TAFA4: variants seen among roughly 807,000 people sequenced by gnomAD.
The protein encoded by TAFA4 is chemokine-like protein TAFA-4.
Under a neutral mutation model 21.1 loss-of-function variants are expected in TAFA4, and 20 were observed. The observed-to-expected ratio is 0.95, with a 90% confidence interval of 0.67 to 1.38. TAFA4 has a LOEUF of 1.38. Among genes scored for constraint, TAFA4 ranks in the 40% most tolerant of loss-of-function variants. TAFA4 has a pLI of 0.00. For missense variants in TAFA4, 211 were observed against 180.9 expected, an observed-to-expected ratio of 1.17 and a Z score of -0.95; for synonymous variants, 71 against 67.4, an observed-to-expected ratio of 1.05 and a Z score of -0.26.
At chr3:68,908,896 T>C (rs564820814) in intron 1 of TAFA4, among the ~76,000 whole-genome samples, 36 of 152,206 alleles carry the variant, frequency 2.4e-4, no homozygotes, top group Non-Finnish European at 4.3e-4. Context: ...TCAGCATCCA[T>C]GGCCCAGATG....
At chr3:68,815,852 A>G (rs1703962431) in intron 3 of TAFA4, among the ~76,000 whole-genome samples, 1 of 152,238 alleles carries the variant, frequency 6.6e-6, no homozygotes, top group South Asian at 2.1e-4. Flanking sequence ...GCTGCTATAA[A>G]GACACATGCA....
intron 3 of TAFA4, among the ~76,000 whole-genome samples, chr3:68,824,362 G>A (rs1704178944): frequency 6.6e-6 from 1 of 152,158 alleles, no homozygotes; most frequent in Non-Finnish European, 1.5e-5. Flanking sequence ...GCCTTTCCCA[G>A]CTTCTGAAAC....
At chr3:68,929,538 T>G (rs751282901) in intron 1 of TAFA4, among the ~76,000 whole-genome samples, 16 of 152,248 alleles carry the variant, frequency 1.1e-4, no homozygotes, top group Admixed American at 2.0e-4. Context: ...AATGAACTCA[T>G]GTACTCAAAT....
chr3:68,796,790 A>T (rs1441089698), intron 3 of TAFA4, among the ~76,000 whole-genome samples: 2 of 152,194 alleles, frequency 1.3e-5, no homozygotes, highest in African/African-American at 4.8e-5. Flanking sequence ...CTCAAAGACA[A>T]GGAATCAAAC....
intron 3 of TAFA4, among the ~76,000 whole-genome samples, chr3:68,762,845 C>T (rs1702780979): frequency 6.6e-6 from 1 of 152,238 alleles, no homozygotes; most frequent in South Asian, 2.1e-4. Context: ...TCAAGACAAG[C>T]CTAGCCAACA....
intron 4 of TAFA4, among the ~76,000 whole-genome samples, chr3:68,740,624 T>A (rs949165282): frequency 1.3e-5 from 2 of 152,202 alleles, no homozygotes; most frequent in African/African-American, 2.4e-5. Flanking sequence ...TGCAAATATT[T>A]TCTACCATTC....
chr3:68,836,136 T>C (rs1013428331), intron 3 of TAFA4, among the ~76,000 whole-genome samples: 1 of 152,198 alleles, frequency 6.6e-6, no homozygotes, highest in Non-Finnish European at 1.5e-5. Flanking sequence ...AATCTCCCGC[T>C]TCGGGCCCCT....
intron 3 of TAFA4, among the ~76,000 whole-genome samples, chr3:68,852,987 A>G (rs942507488): frequency 2.0e-5 from 3 of 152,180 alleles, no homozygotes; most frequent in African/African-American, 7.2e-5. Context: ...GTTCTGAAGT[A>G]ATTCCTCCTT....
At chr3:68,845,941 C>T (rs936002482) in intron 3 of TAFA4, among the ~76,000 whole-genome samples, 2 of 152,124 alleles carry the variant, frequency 1.3e-5, no homozygotes, top group Admixed American at 6.5e-5. Context: ...TCTGGATGCT[C>T]TTAACATTTT....
Position 68,825,572 on chromosome 3 carries a change from C to G in TAFA4, c.130+55158G>C, listed in dbSNP as rs78148870. ...TCACTGAATTTTATTTTTATTTATC[C>G]AGTATTAACCTTACCTTAATGAACA... is the stretch of plus-strand genomic sequence containing the variant. On this transcript the variant is annotated intron_variant, in intron 3 of 5. Coordinates refer to ENST00000295569, the MANE Select transcript of TAFA4 (RefSeq NM_182522.5). Among the ~76,000 whole-genome samples the G allele has an allele frequency of 7.7e-3, 1,149 of 148,322 alleles. 19 individuals are homozygous for G. The highest frequency in any genetic ancestry group is 0.029 in the African/African-American group (1,091 of 38,180).
chr3:68,733,650 G>C (rs1395449284), intron 5 of TAFA4, among the ~76,000 whole-genome samples: 1 of 152,054 alleles, frequency 6.6e-6, no homozygotes, highest in Admixed American at 6.6e-5. Flanking sequence ...AGACATCCAG[G>C]CTCATTGCTT....
At chr3:68,746,702 G>C (rs1314408179) in intron 4 of TAFA4, among the ~76,000 whole-genome samples, 1 of 152,138 alleles carries the variant, frequency 6.6e-6, no homozygotes, top group Non-Finnish European at 1.5e-5. Context: ...CATTCTGCAA[G>C]TAACACAATA....
In TAFA4 at chr3:68,894,158, CT is replaced by C. The variant is rs79469344; in HGVS notation, c.-122-8849del. On this transcript the variant is annotated intron_variant, in intron 1 of 5. Coordinates refer to ENST00000295569, the MANE Select transcript of TAFA4 (RefSeq NM_182522.5). ...TGTTGGTTCTTCCTGTTACTTGTTA[CT>C]TTTTTTTTTTTTTTTTGGAGACAGA... 1.9e-3 allele frequency among the ~76,000 whole-genome samples: 254 copies of C among 137,148 alleles called. 2 individuals are homozygous for C. The highest frequency in any genetic ancestry group is 2.6e-3 in the African/African-American group (98 of 37,314). The allele number at this position is 137,148 out of a possible 152,430, so 90.0% of individuals were successfully genotyped here.
chr3:68,857,249 G>A (rs950490737), intron 3 of TAFA4, among the ~76,000 whole-genome samples: 1 of 152,076 alleles, frequency 6.6e-6, no homozygotes, highest in Non-Finnish European at 1.5e-5. Context: ...TATCTGGGTG[G>A]CACAAATGTT....
chr3:68,923,663 G>C (rs1159314881), intron 1 of TAFA4, among the ~76,000 whole-genome samples: 1 of 152,024 alleles, frequency 6.6e-6, no homozygotes, highest in Non-Finnish European at 1.5e-5. Context: ...ATTTCACAAT[G>C]AACATCTGAC....
At chr3:68,882,267 A>G (rs918942301) in intron 2 of TAFA4, among the ~76,000 whole-genome samples, 1 of 152,070 alleles carries the variant, frequency 6.6e-6, no homozygotes, top group Non-Finnish European at 1.5e-5. Flanking sequence ...ATTATGACAA[A>G]CTGGAAGCCA....
chr3:68,807,250 T>C (rs552529590), intron 3 of TAFA4, among the ~76,000 whole-genome samples: 2 of 152,306 alleles, frequency 1.3e-5, no homozygotes, highest in South Asian at 4.1e-4. Context: ...TGCTTAGAAT[T>C]TGAACAAAGA....
intron 3 of TAFA4, among the ~76,000 whole-genome samples, chr3:68,826,440 G>A (rs1381101998): frequency 6.6e-6 from 1 of 152,054 alleles, no homozygotes; most frequent in African/African-American, 2.4e-5. Flanking sequence ...CGGCATGGTG[G>A]CGGGAGCCTG....
intron 3 of TAFA4, among the ~76,000 whole-genome samples, chr3:68,799,754 G>C (rs1207935676): frequency 1.5e-4 from 8 of 51,956 alleles, no homozygotes; most frequent in African/African-American, 4.3e-4. Context: ...CAAAGAGATC[G>C]TGTCTCCAAC....
Sources: allele counts gnomAD v4.1 joint callset (sites outside exome capture counted in the v4.1 genomes callset), GRCh38; gene constraint gnomAD v4.1.1; transcripts MANE v1.5; gene names NCBI Gene and HGNC (gene_info 2026-07-23, HGNC 2026-07-21).